CNTN5: variants seen among roughly 807,000 people sequenced by gnomAD.
CNTN5 encodes contactin-5.
A neutral mutation model predicts 129.1 loss-of-function variants in CNTN5; 77 were observed. The observed-to-expected ratio is 0.60, with a 90% confidence interval of 0.50 to 0.72. The LOEUF (loss-of-function observed/expected upper bound fraction) is 0.72, where lower values mean the gene tolerates loss of function less well. Among genes scored for constraint, CNTN5 ranks in the 30% least tolerant of loss-of-function variants. The pLI, the probability that CNTN5 is intolerant of heterozygous loss-of-function variation, is 0.00. For missense variants in CNTN5, 1,478 were observed against 1,328.8 expected (o/e 1.11, Z -1.75); for synonymous variants, 509 against 465.6 (o/e 1.09, Z -1.20).
intron 2 of CNTN5, among the ~76,000 whole-genome samples, chr11:99,339,818 A>G (rs1016421862): frequency 1.3e-5 from 2 of 151,800 alleles, no homozygotes; most frequent in Non-Finnish European, 2.9e-5. Context: ...TGAAGCAAGA[A>G]TGTATTTGAT....
At chr11:99,198,415 T>A (rs1859011635) in intron 1 of CNTN5, among the ~76,000 whole-genome samples, 1 of 152,046 alleles carries the variant, frequency 6.6e-6, no homozygotes, top group African/African-American at 2.4e-5. Flanking sequence ...CTAAGAGCGT[T>A]GTTGCAGGCA....
chr11:100,122,598 G>C (rs902451219), intron 13 of CNTN5, among the ~76,000 whole-genome samples: 2 of 151,992 alleles, frequency 1.3e-5, no homozygotes, highest in African/African-American at 4.8e-5. Context: ...AATGAAACGT[G>C]AGCAATGTGA....
intron 18 of CNTN5, among the ~76,000 whole-genome samples, chr11:100,287,885 C>A (rs1023208320): frequency 6.6e-6 from 1 of 152,048 alleles, no homozygotes; most frequent in African/African-American, 2.4e-5. Context: ...GAAACACACA[C>A]AGGCTCAAAA....
intron 9 of CNTN5, among the ~76,000 whole-genome samples, chr11:100,053,967 G>T (rs1280701548): frequency 6.6e-6 from 1 of 151,686 alleles, no homozygotes; most frequent in Non-Finnish European, 1.5e-5. Context: ...AAAATACTAC[G>T]TAGTGTATTA....
At chr11:99,855,707 A>C (rs970545349) in intron 6 of CNTN5, among the ~76,000 whole-genome samples, 1 of 152,170 alleles carries the variant, frequency 6.6e-6, no homozygotes, top group South Asian at 2.1e-4. Flanking sequence ...TTCCAGGGAA[A>C]TATTCTGCCA....
intron 2 of CNTN5, among the ~76,000 whole-genome samples, chr11:99,327,936 A>G (rs957741775): frequency 2.0e-5 from 3 of 152,194 alleles, no homozygotes; most frequent in South Asian, 2.1e-4. Flanking sequence ...ATTTCATTAG[A>G]GAAGAGTCTG....
In CNTN5 at chr11:99,830,781, G is replaced by A. The variant is rs368970607; in HGVS notation, c.277+11016G>A. Among the ~76,000 whole-genome samples, 17 of 152,138 alleles carry A rather than the reference G, an allele frequency of 1.1e-4. No homozygotes were observed. In the South Asian group the frequency reaches 1.5e-3, roughly 13 times the overall value. On this transcript the variant is annotated intron_variant, in intron 4 of 24. Transcript: ENST00000524871. Reference sequence around the variant, plus strand: ...GCCATTTATTATTTTATACTTAAATGCTTTTTTACCAATTTAAGTATATGT... The same window carrying A: ...GCCATTTATTATTTTATACTTAAATACTTTTTTACCAATTTAAGTATATGT...
chr11:99,238,680 C>A (rs1301953542), intron 1 of CNTN5, among the ~76,000 whole-genome samples: 2 of 152,062 alleles, frequency 1.3e-5, no homozygotes, highest in African/African-American at 4.8e-5. Context: ...TCAAAATTTT[C>A]ACTAAGTTCT....
At chr11:100,239,301 T>C (rs965010356) in intron 16 of CNTN5, among the ~76,000 whole-genome samples, 6 of 152,148 alleles carry the variant, frequency 3.9e-5, no homozygotes, top group Non-Finnish European at 8.8e-5. Flanking sequence ...GAAAGTTAAA[T>C]ATATAAATTA....
chr11:99,519,532 C>A (rs1355709245), intron 2 of CNTN5, among the ~76,000 whole-genome samples: 1 of 152,046 alleles, frequency 6.6e-6, no homozygotes, highest in Non-Finnish European at 1.5e-5. Flanking sequence ...ATGTATCATT[C>A]ACCAAAATGT....
At chr11:99,647,324 A>T (rs1441141266) in intron 3 of CNTN5, among the ~76,000 whole-genome samples, 1 of 152,022 alleles carries the variant, frequency 6.6e-6, no homozygotes, top group Non-Finnish European at 1.5e-5. Flanking sequence ...AGTTCTTGGC[A>T]CCTTTGTCAA....
At chr11:99,712,620 T>C (rs879161996) in intron 3 of CNTN5, among the ~76,000 whole-genome samples, 1 of 152,110 alleles carries the variant, frequency 6.6e-6, no homozygotes, top group South Asian at 2.1e-4. Flanking sequence ...AGGTTTTAGG[T>C]TTAAGTCTTT....
chr11:100,312,773 AG>A (rs1443802551), intron 21 of CNTN5, among the ~76,000 whole-genome samples: 1 of 152,100 alleles, frequency 6.6e-6, no homozygotes, highest in Non-Finnish European at 1.5e-5. Flanking sequence ...CTACTACAAA[AG>A]CATTAACTAT....
At chr11:99,681,218 T>C (rs113705603) in intron 3 of CNTN5, among the ~76,000 whole-genome samples, 96 of 152,192 alleles carry the variant, frequency 6.3e-4, no homozygotes, top group African/African-American at 2.2e-3. Context: ...GTCTTTATAA[T>C]ATTATATAAA....
intron 1 of CNTN5, among the ~76,000 whole-genome samples, chr11:99,305,892 A>G (rs1864852384): frequency 6.6e-6 from 1 of 151,954 alleles, no homozygotes; most frequent in African/African-American, 2.4e-5. Context: ...GAGACAGGAG[A>G]ATTGCTTGAG....
At chr11:100,164,210 T>C (rs569435978) in intron 13 of CNTN5, among the ~76,000 whole-genome samples, 5 of 151,776 alleles carry the variant, frequency 3.3e-5, no homozygotes, top group Admixed American at 2.6e-4. Flanking sequence ...ATATGGACAA[T>C]CAAAGGCAAA....
intron 3 of CNTN5, among the ~76,000 whole-genome samples, chr11:99,571,040 A>G (rs1432818446): frequency 6.6e-6 from 1 of 152,122 alleles, no homozygotes; most frequent in Non-Finnish European, 1.5e-5. Flanking sequence ...TGACAAGAAG[A>G]GTGATAGGTG....
intron 2 of CNTN5, among the ~76,000 whole-genome samples, chr11:99,442,595 G>T (rs1943881514): frequency 6.6e-6 from 1 of 152,154 alleles, no homozygotes; most frequent in African/African-American, 2.4e-5. Context: ...TATTTGGTGT[G>T]ACTCTATTCG....
chr11:100,203,168 T>C (rs1948824810), intron 15 of CNTN5, among the ~76,000 whole-genome samples: 1 of 152,076 alleles, frequency 6.6e-6, no homozygotes, highest in African/African-American at 2.4e-5. Flanking sequence ...CTGAGAATTA[T>C]TTGAAAAACA....
Sources: allele counts gnomAD v4.1 joint callset (sites outside exome capture counted in the v4.1 genomes callset), GRCh38; gene constraint gnomAD v4.1.1; transcripts MANE v1.5; gene names NCBI Gene and HGNC (gene_info 2026-07-23, HGNC 2026-07-21).